The following GNAQ variants were observed in gnomAD, a reference collection of about 807,000 sequenced individuals.
GNAQ encodes the protein guanine nucleotide-binding protein G(q) subunit alpha.
In GNAQ, 8 loss-of-function variants were observed where a neutral mutation model predicts 43.9. The observed-to-expected ratio is 0.18, with a 90% confidence interval of 0.11 to 0.33. The LOEUF is 0.33. Ranked by LOEUF, GNAQ falls within the 10% of genes least tolerant of loss-of-function variation. GNAQ has a pLI of 1.00. For missense variants in GNAQ, 158 were observed against 450.8 expected (o/e 0.35, Z 5.88); for synonymous variants, 155 against 170.7 (o/e 0.91, Z 0.71).
intron 1 of GNAQ, among the ~76,000 whole-genome samples, chr9:77,929,684 A>C (rs1829120599): frequency 6.6e-6 from 1 of 152,012 alleles, no homozygotes; most frequent in South Asian, 2.1e-4. Flanking sequence ...TACAAAAAAA[A>C]ATTAGCCCGG....
Position 78,008,832 on chromosome 9 carries a change from T to C in GNAQ, c.136+22268A>G, listed in dbSNP as rs562113885. Among the ~76,000 whole-genome samples, 261 of 152,326 alleles carry C rather than the reference T, an allele frequency of 1.7e-3. 1 individual carries two copies. The highest frequency in any genetic ancestry group is 6.0e-3 in the African/African-American group (248 of 41,576). On this transcript the variant is annotated intron_variant, in intron 1 of 6. Coordinates refer to ENST00000286548, the MANE Select transcript of GNAQ (RefSeq NM_002072.5). ...CAGGGTTTCACCGTGTTAACCAGGA[T>C]GGTCTAGATTTCCTGACCTCGTGAT...
chr9:77,740,153 G>C (rs894993854), intron 5 of GNAQ, among the ~76,000 whole-genome samples: 14 of 152,136 alleles, frequency 9.2e-5, no homozygotes, highest in Non-Finnish European at 1.5e-4. Flanking sequence ...AAACACACGT[G>C]GCCGCCTGAT....
At chr9:77,724,832 T>C (rs1388278928) in intron 6 of GNAQ, among the ~76,000 whole-genome samples, 1 of 152,036 alleles carries the variant, frequency 6.6e-6, no homozygotes, top group East Asian at 1.9e-4. Flanking sequence ...ATTTAATAGA[T>C]AAAAAGTACA....
intron 1 of GNAQ, among the ~76,000 whole-genome samples, chr9:78,021,097 T>C (rs1373697731): frequency 1.4e-5 from 2 of 143,086 alleles, no homozygotes; most frequent in Admixed American, 7.3e-5. Context: ...TTACCTAAGC[T>C]GGAGTGCAGT....
intron 3 of GNAQ, among the ~76,000 whole-genome samples, chr9:77,807,132 T>G (rs1236453420): frequency 6.6e-6 from 1 of 152,184 alleles, no homozygotes; most frequent in Non-Finnish European, 1.5e-5. Context: ...ATTCATTATT[T>G]TCAACTGAAA....
At chr9:77,894,401 T>A (rs1447291538) in intron 2 of GNAQ, among the ~76,000 whole-genome samples, 3 of 304 alleles carry the variant, frequency 9.9e-3, no homozygotes, top group Non-Finnish European at 0.016. Flanking sequence ...AAATATATAT[T>A]TTATATATAT....
chr9:77,775,479 A>G (rs1345729657), intron 5 of GNAQ, among the ~76,000 whole-genome samples: 2 of 143,982 alleles, frequency 1.4e-5, no homozygotes, highest in Non-Finnish European at 3.0e-5. Context: ...GCGTGATATC[A>G]GCTCACTGCA....
intron 5 of GNAQ, among the ~76,000 whole-genome samples, chr9:77,755,497 TA>T (rs1307391694): frequency 6.6e-6 from 1 of 152,234 alleles, no homozygotes; most frequent in African/African-American, 2.4e-5. Flanking sequence ...CATGTACTCA[TA>T]ATTTTTTTAA....
At chr9:78,010,059 C>T (rs767869414) in intron 1 of GNAQ, among the ~76,000 whole-genome samples, 14 of 152,100 alleles carry the variant, frequency 9.2e-5, no homozygotes, top group Non-Finnish European at 1.5e-4. Context: ...TAGAGTCACA[C>T]GAATGTCAGG....
At chr9:77,996,714 AAAAC>A (rs1213037112) in intron 1 of GNAQ, among the ~76,000 whole-genome samples, 1 of 152,062 alleles carries the variant, frequency 6.6e-6, no homozygotes, top group Non-Finnish European at 1.5e-5. Context: ...GAAAAAAAGA[AAAAC>A]AAATGCAATA....
intron 1 of GNAQ, among the ~76,000 whole-genome samples, chr9:77,968,210 T>A (rs1284661451): frequency 4.0e-5 from 6 of 151,616 alleles, no homozygotes; most frequent in African/African-American, 9.7e-5. Flanking sequence ...ATATGTCAAA[T>A]TTTTTTTTAA....
chr9:78,011,941 G>A (rs1326128737), intron 1 of GNAQ, among the ~76,000 whole-genome samples: 2 of 152,178 alleles, frequency 1.3e-5, no homozygotes, highest in Non-Finnish European at 2.9e-5. Flanking sequence ...ATATTATAGA[G>A]ATGGAGTGGG....
intron 1 of GNAQ, among the ~76,000 whole-genome samples, chr9:78,004,276 CAAA>C (rs754254450): frequency 6.1e-5 from 5 of 82,134 alleles, no homozygotes; most frequent in Non-Finnish European, 5.2e-5. Flanking sequence ...GACTCTGTCT[CAAA>C]AAAAAAAAAA....
rs981836606 is a variant in GNAQ, at chr9:77,979,665, T to A, written c.136+51435A>T. On this transcript the variant is annotated intron_variant, in intron 1 of 6. Transcript: ENST00000286548. The stretch of plus-strand genomic sequence containing the variant: ...CTGAACTCTCTGGAAGACTAAAAAA[T>A]AGCCCCTTCTTTGATTACAATTCTG... Among the ~76,000 whole-genome samples the A allele has an allele frequency of 2.6e-5, 4 of 152,244 alleles. No individual in the cohort carries two copies. In the South Asian group the frequency reaches 8.3e-4, roughly 32 times the overall value.
chr9:77,932,235 A>G lies in GNAQ; in HGVS notation c.137-9890T>C, dbSNP rs375823224. ...CACCAGCATTTCAGTATTTAAATTCATAGTGTTTGGAGATTTTTAGCTTGA... is the reference window on the plus strand; with the variant it reads ...CACCAGCATTTCAGTATTTAAATTCGTAGTGTTTGGAGATTTTTAGCTTGA... On this transcript the variant is annotated intron_variant, in intron 1 of 6. Transcript: ENST00000286548. 2.2e-4 allele frequency among the ~76,000 whole-genome samples: 34 copies of G among 152,284 alleles called. No homozygotes were observed. The East Asian group carries it at 4.8e-3, about 22-fold the overall frequency.
At chr9:77,727,215 G>A (rs1295522406) in intron 6 of GNAQ, among the ~76,000 whole-genome samples, 1 of 151,348 alleles carries the variant, frequency 6.6e-6, no homozygotes, top group African/African-American at 2.4e-5. Flanking sequence ...TAGAGGTCTC[G>A]TTACATTGCC....
chr9:77,752,685 T>C (rs1005728179), intron 5 of GNAQ, among the ~76,000 whole-genome samples: 1 of 152,250 alleles, frequency 6.6e-6, no homozygotes, highest in Non-Finnish European at 1.5e-5. Context: ...TTATTACACC[T>C]CAACACTGAA....
At chr9:77,846,314 G>A (rs550675663) in intron 2 of GNAQ, among the ~76,000 whole-genome samples, 152 of 152,316 alleles carry the variant, frequency 1.0e-3, no homozygotes, top group African/African-American at 3.6e-3. Flanking sequence ...TGCCCCTTGG[G>A]AGGGGCAAGC....
chr9:77,996,781 A>C (rs562874648), intron 1 of GNAQ, among the ~76,000 whole-genome samples: 1 of 152,298 alleles, frequency 6.6e-6, no homozygotes, highest in African/African-American at 2.4e-5. Context: ...CACACATAAA[A>C]TTTAATTTTG....
Sources: allele counts gnomAD v4.1 joint callset (sites outside exome capture counted in the v4.1 genomes callset), GRCh38; gene constraint gnomAD v4.1.1; transcripts MANE v1.5; gene names NCBI Gene and HGNC (gene_info 2026-07-23, HGNC 2026-07-21).